RYR2: variants seen among roughly 807,000 people sequenced by gnomAD.
RYR2 encodes the protein ryanodine receptor 2.
A neutral mutation model predicts 601.1 loss-of-function variants in RYR2; 227 were observed. The observed-to-expected ratio is 0.38, with a 90% CI of 0.34 to 0.42. The LOEUF is 0.42. RYR2 is among the 10% of genes least tolerant of loss of function. The probability of loss-of-function intolerance (pLI) is 1.00; values close to 1 mark genes in which losing one functional copy is unlikely to be tolerated. For synonymous variants in RYR2, 2,223 were observed against 2,175.1 expected (o/e 1.02, Z -0.61); for missense variants, 4,646 against 6,156.5 (o/e 0.75, Z 8.21).
At chr1:237,329,995 G>A (rs1173615811) in intron 2 of RYR2, among the ~76,000 whole-genome samples, 1 of 152,164 alleles carries the variant, frequency 6.6e-6, no homozygotes, top group Non-Finnish European at 1.5e-5. Flanking sequence ...TGTGGATAAG[G>A]AGAAACCTGT....
At chr1:237,540,451 T>A (rs1264347527) in intron 25 of RYR2, among the ~76,000 whole-genome samples, 1 of 134,074 alleles carries the variant, frequency 7.5e-6, no homozygotes, top group African/African-American at 2.6e-5. Context: ...CTCATGCCTG[T>A]AATCCCAACA....
chr1:237,657,240 A>G (rs1284224178), intron 53 of RYR2, among the ~76,000 whole-genome samples: 1 of 152,186 alleles, frequency 6.6e-6, no homozygotes, highest in Non-Finnish European at 1.5e-5. Context: ...TAACTGCTGG[A>G]AAACAACAGC....
chr1:237,499,592 A>G (rs1202720603), intron 20 of RYR2, among the ~76,000 whole-genome samples: 3 of 152,160 alleles, frequency 2.0e-5, no homozygotes, highest in African/African-American at 7.2e-5. Context: ...CCTTTATTAT[A>G]TTCAGGGAAT....
At chr1:237,793,839 T>G in intron 94 of RYR2, 28 bp from the exon 95 acceptor site, 5 of 1,552,072 alleles carry the variant, frequency 3.2e-6, no homozygotes, top group Non-Finnish European at 3.5e-6. Context: ...TCTAAACTAA[T>G]TTTAACGTAT....
intron 1 of RYR2, among the ~76,000 whole-genome samples, chr1:237,135,433 G>T (rs1395167415): frequency 6.6e-6 from 1 of 150,520 alleles, no homozygotes; most frequent in African/African-American, 2.4e-5. Flanking sequence ...GCAGTGGCAC[G>T]ATCTCGGCTC....
chr1:237,433,782 G>C (rs533609721), intron 12 of RYR2, among the ~76,000 whole-genome samples: 1 of 152,016 alleles, frequency 6.6e-6, no homozygotes, highest in East Asian at 1.9e-4. Context: ...AAAAAATGAC[G>C]TAACATATAT....
At chr1:237,098,674 C>G (rs1447124146) in intron 1 of RYR2, among the ~76,000 whole-genome samples, 2 of 152,094 alleles carry the variant, frequency 1.3e-5, no homozygotes. Flanking sequence ...ATGAGTCACA[C>G]ACAGAAAGAC....
intron 51 of RYR2, among the ~76,000 whole-genome samples, chr1:237,652,009 C>G (rs532597055): frequency 6.6e-6 from 1 of 151,810 alleles, no homozygotes; most frequent in African/African-American, 2.4e-5. Flanking sequence ...TGACTCCAGC[C>G]TGGGTGACAG....
intron 1 of RYR2, among the ~76,000 whole-genome samples, chr1:237,072,326 A>G (rs1009087262): frequency 2.0e-5 from 3 of 152,166 alleles, no homozygotes; most frequent in East Asian, 3.9e-4. Flanking sequence ...GCAGCTTTTG[A>G]GATCAGTTGC....
In RYR2 at chr1:237,428,480, A is replaced by G. The variant is rs1326477578; in HGVS notation, c.1005+5232A>G. Among the ~76,000 whole-genome samples the G allele has an allele frequency of 2.0e-5, 3 of 152,142 alleles. 1 individual carries two copies. The highest frequency in any genetic ancestry group is 2.9e-5 in the Non-Finnish European group (2 of 68,030). ...GATGAAGCTGGAAACCATCATCCTC[A>G]GCAAACTAACACAGGAACAGAAAAC... is the stretch of plus-strand genomic sequence containing the variant. On this transcript the variant is annotated intron_variant, in intron 12 of 104. Transcript: ENST00000366574.
intron 58 of RYR2, among the ~76,000 whole-genome samples, chr1:237,669,562 A>G (rs1205637128): frequency 6.7e-6 from 1 of 149,718 alleles, no homozygotes; most frequent in East Asian, 2.0e-4. Context: ...GGGGCTCCTC[A>G]CTTCTCAGAC....
At position 237,106,568 on chromosome 1, in the gene RYR2, C is replaced by T. The variant is rs547689596; in HGVS notation, c.48+63999C>T. Among the ~76,000 whole-genome samples, 26 of 152,198 alleles carry T rather than the reference C, an allele frequency of 1.7e-4. No homozygotes were observed. The East Asian group carries it at 3.3e-3, about 19-fold the overall frequency. The stretch of plus-strand genomic sequence containing the variant: ...GGGTTTTCGCTGTCTGTCAGAGAGT[C>T]GTGGAGCTGCTGGGAGGTGGTTAGT... On this transcript the variant is annotated intron_variant, in intron 1 of 104. Transcript: ENST00000366574. The surrounding 1 kb of genome is among the most constrained non-coding windows in gnomAD (Gnocchi z 4.4).
Position 237,251,255 on chromosome 1 carries a change from G to A in RYR2, c.49-19242G>A, listed in dbSNP as rs147876547. On this transcript the variant is annotated intron_variant, in intron 1 of 104. Transcript: ENST00000366574. ...TTCTTTGCTCACCTTTGTAAAACAA[G>A]TCAAGAGTTGTCTGTACCTGCTGCT... 8.5e-5 allele frequency among the ~76,000 whole-genome samples: 13 copies of A among 152,126 alleles called. No homozygotes were observed. In the East Asian group the frequency reaches 2.5e-3, roughly 30 times the overall value.
intron 34 of RYR2, among the ~76,000 whole-genome samples, chr1:237,599,888 A>G (rs530738657): frequency 1.3e-5 from 2 of 152,084 alleles, no homozygotes; most frequent in East Asian, 1.9e-4. Flanking sequence ...ACTGCAATCT[A>G]TAAAACATTG....
chr1:237,217,220 T>C (rs548385010), intron 1 of RYR2, among the ~76,000 whole-genome samples: 18 of 152,296 alleles, frequency 1.2e-4, no homozygotes, highest in Admixed American at 9.8e-4. Flanking sequence ...TGTAACATCA[T>C]TGCATTATTA....
intron 12 of RYR2, among the ~76,000 whole-genome samples, chr1:237,432,413 G>A (rs1380435518): frequency 3.3e-5 from 5 of 152,016 alleles, no homozygotes; most frequent in Non-Finnish European, 1.5e-5. Context: ...CTCTAAGACT[G>A]GGCATAAATA....
intron 27 of RYR2, among the ~76,000 whole-genome samples, chr1:237,552,883 C>A (rs1287090028): frequency 6.6e-6 from 1 of 151,728 alleles, no homozygotes; most frequent in African/African-American, 2.4e-5. Flanking sequence ...TATAATTAAT[C>A]TTTCATTTCT....
chr1:237,316,870 G>C (rs1695165278), intron 2 of RYR2, among the ~76,000 whole-genome samples: 1 of 152,164 alleles, frequency 6.6e-6, no homozygotes, highest in Non-Finnish European at 1.5e-5. Flanking sequence ...GGTATAGTCT[G>C]TGTGGACTTC....
chr1:237,399,805 C>T (rs948976543), intron 10 of RYR2, among the ~76,000 whole-genome samples: 5 of 151,676 alleles, frequency 3.3e-5, no homozygotes, highest in African/African-American at 4.8e-5. Flanking sequence ...CGTGCAGTTT[C>T]GGGGGAACAA....
Sources: gnomAD v4.1 joint callset for allele counts (sites outside exome capture counted in the v4.1 genomes callset) on GRCh38, gnomAD v4.1.1 for gene constraint, Gnocchi (gnomAD v3.1) non-coding constraint, MANE v1.5 for transcripts, NCBI Gene and HGNC (gene_info 2026-07-23, HGNC 2026-07-21) for gene names.